The following GNPTAB variants were observed in gnomAD, a reference collection of about 807,000 sequenced individuals.
The protein encoded by GNPTAB is N-acetylglucosamine-1-phosphate transferase subunits alpha and beta.
In GNPTAB, 92 loss-of-function variants were observed where a neutral mutation model predicts 136.6. That is an observed-to-expected ratio of 0.67 (90% CI 0.57 to 0.80). The LOEUF is 0.80. Ranked by LOEUF, GNPTAB falls within the 30% of genes least tolerant of loss-of-function variation. The pLI, the probability that GNPTAB is intolerant of heterozygous loss-of-function variation, is 0.00. For missense variants in GNPTAB, 1,343 were observed against 1,501.8 expected (o/e 0.89, Z 1.75); for synonymous variants, 512 against 535.1 (o/e 0.96, Z 0.60).
At chr12:101,751,487 C>A (rs1952818406) in intron 19 of GNPTAB, among the ~76,000 whole-genome samples, 1 of 152,158 alleles carries the variant, frequency 6.6e-6, no homozygotes, top group African/African-American at 2.4e-5. Context: ...GGTCAAAAAT[C>A]TTCCTAAACT....
chr12:101,795,717 C>T (rs934806835), intron 2 of GNPTAB, among the ~76,000 whole-genome samples: 5 of 151,364 alleles, frequency 3.3e-5, no homozygotes, highest in Non-Finnish European at 7.4e-5. Flanking sequence ...CGTGCCACTG[C>T]GCTCCAGCCT....
At position 101,764,938 on chromosome 12, in the gene GNPTAB, G is replaced by A. The variant is rs757777995; in HGVS notation, c.1979C>T (p.Pro660Leu). The change falls in exon 13 of 21, where the codon CCA becomes CTA. Residue 660 changes from proline (P) to leucine (L), a missense_variant. By Grantham distance (98) the Pro-to-Leu change is moderately conservative (BLOSUM62 -3). Coordinates refer to ENST00000299314, the MANE Select transcript of GNPTAB (RefSeq NM_024312.5). ...ATCCTCAAAAAGGATTTCCGCCTCT[G>A]GAAGAAGTGTTATGGGACTAACTAA... is the stretch of plus-strand genomic sequence containing the variant. Reference protein sequence around the residue: ...ENLVSPITLLPEAEILFEDIP... With the variant: ...ENLVSPITLLLEAEILFEDIP... 6.2e-7 allele frequency: 1 copy of A among 1,613,836 alleles called. No homozygotes were observed. Among genetic ancestry groups the A allele is most frequent in the African/African-American group, 1.3e-5 (1 of 74,706 alleles).
At chr12:101,769,460 G>A (rs1450981182) in intron 10 of GNPTAB, among the ~76,000 whole-genome samples, 1 of 152,134 alleles carries the variant, frequency 6.6e-6, no homozygotes, top group Non-Finnish European at 1.5e-5. Flanking sequence ...AAATTGAGAT[G>A]GTTGGGAAAA....
In GNPTAB at chr12:101,770,154, C is replaced by CTAAA; in HGVS notation, c.1147_1150dup (p.Ser384IlefsTer2). On this transcript the variant is annotated stop_gained and frameshift_variant, in exon 10 of 21. Coordinates refer to ENST00000299314, the MANE Select transcript of GNPTAB (RefSeq NM_024312.5). LOFTEE classifies it high-confidence loss of function. ...AATGTGACTTTCAATAGCAGGTGAACTAAAGGTAGGCAAGTGGCTCAAATT... is the reference window on the plus strand; with the variant it reads ...AATGTGACTTTCAATAGCAGGTGAACTAAATAAAGGTAGGCAAGTGGCTCAAATT... 1 of 1,614,084 alleles carries CTAAA rather than the reference C, an allele frequency of 6.2e-7. No individual in the cohort carries two copies. The highest frequency in any genetic ancestry group is 1.1e-5 in the South Asian group (1 of 91,082).
Position 101,768,127 on chromosome 12 carries a change from C to T in GNPTAB, c.1318G>A (p.Glu440Lys), listed in dbSNP as rs1953121624. The change falls in exon 11 of 21, where the codon GAG becomes AAG. Residue 440 changes from glutamate to lysine, a missense_variant. Transcript: ENST00000299314. Reference sequence around the variant, plus strand: ...TTAATCCAGGAACCTGGGCAGCCCTCGGCACAGTTTGGCACAGGCCATGTC... The same window carrying T: ...TTAATCCAGGAACCTGGGCAGCCCTTGGCACAGTTTGGCACAGGCCATGTC... ...YLTWPVPNCAEGCPGSWIKDG... is the reference protein window; with the variant it reads ...YLTWPVPNCAKGCPGSWIKDG... 3 of 1,614,086 alleles carry T rather than the reference C, an allele frequency of 1.9e-6. No individual in the cohort carries two copies. Among genetic ancestry groups the T allele is most frequent in the East Asian group, 2.2e-5 (1 of 44,890 alleles).
At chr12:101,776,391 GTAAT>G (rs1431866099) in intron 7 of GNPTAB, among the ~76,000 whole-genome samples, 5 of 152,146 alleles carry the variant, frequency 3.3e-5, no homozygotes, top group Non-Finnish European at 5.9e-5. Context: ...AAATTAGAGA[GTAAT>G]TAATCAGATT....
rs56954174 is a variant in GNPTAB at position 101,809,885 on chromosome 12, G to C, written c.118-13123C>G. On this transcript the variant is annotated intron_variant, in intron 1 of 20. Coordinates refer to ENST00000299314, the MANE Select transcript of GNPTAB (RefSeq NM_024312.5). ...AACCCACAGAACTGTATAAAACAAA[G>C]AATGAATCCTAGTGTAATCTATGTA... is the stretch of plus-strand genomic sequence containing the variant. Among the ~76,000 whole-genome samples the C allele has an allele frequency of 0.022, 3,418 of 152,264 alleles. 350 individuals carry two copies. In the East Asian group the frequency reaches 0.31, roughly 14 times the overall value.
At chr12:101,774,713 T>C (rs1420716097) in intron 7 of GNPTAB, among the ~76,000 whole-genome samples, 2 of 152,218 alleles carry the variant, frequency 1.3e-5, no homozygotes, top group African/African-American at 4.8e-5. Flanking sequence ...CTTTAAGATA[T>C]TGCTTATTAT....
chr12:101,775,942 T>A (rs572674277), intron 7 of GNPTAB, among the ~76,000 whole-genome samples: 18 of 152,166 alleles, frequency 1.2e-4, no homozygotes, highest in African/African-American at 3.9e-4. Flanking sequence ...ACAAACCACC[T>A]GTTCAGTCTT....
At chr12:101,818,056 T>C (rs1328037082) in intron 1 of GNPTAB, among the ~76,000 whole-genome samples, 2 of 152,250 alleles carry the variant, frequency 1.3e-5, no homozygotes, top group Admixed American at 6.5e-5. Flanking sequence ...TGCCTGCCTC[T>C]TCGGCTTCAT....
intron 1 of GNPTAB, among the ~76,000 whole-genome samples, chr12:101,806,381 T>C (rs144557048): frequency 0.012 from 1,786 of 152,168 alleles, 23 homozygotes; most frequent in Non-Finnish European, 0.019. Flanking sequence ...AAACAGAAAG[T>C]AGATTAGAGG....
intron 4 of GNPTAB, 75 bp downstream of exon 4, chr12:101,788,473 T>C (rs952789117): frequency 4.3e-6 from 4 of 923,604 alleles, no homozygotes; most frequent in Non-Finnish European, 7.3e-6. Context: ...GTGTACCCAA[T>C]AAAAACAAAT....
chr12:101,817,917 A>T (rs1219011914), intron 1 of GNPTAB, among the ~76,000 whole-genome samples: 1 of 152,186 alleles, frequency 6.6e-6, no homozygotes, highest in Non-Finnish European at 1.5e-5. Context: ...TTACCTCCAG[A>T]GCAACTGTTC....
intron 7 of GNPTAB, among the ~76,000 whole-genome samples, chr12:101,774,776 T>C (rs2137129861): frequency 6.6e-6 from 1 of 152,336 alleles, no homozygotes; most frequent in Non-Finnish European, 1.5e-5. Context: ...GTAGCCTATA[T>C]TTAAAAATTG....
rs775084851 is a variant in GNPTAB at position 101,773,997 on chromosome 12, G to A, written c.772-2840C>T. 5.3e-5 allele frequency among the ~76,000 whole-genome samples: 8 copies of A among 152,354 alleles called. No individual in the cohort carries two copies. In the South Asian group the frequency reaches 6.2e-4, roughly 12 times the overall value. On this transcript the variant is annotated intron_variant, in intron 7 of 20. Transcript: ENST00000299314. ...CCTACAGACCCACAGTGAACAACACGTAGCATGACTAAGAAATAAAGCTTT... is the reference window on the plus strand; with the variant it reads ...CCTACAGACCCACAGTGAACAACACATAGCATGACTAAGAAATAAAGCTTT...
intron 2 of GNPTAB, chr12:101,795,759 A>G (rs1869245930): frequency 6.6e-6 from 1 of 151,972 alleles, no homozygotes; most frequent in Admixed American, 6.6e-5. Flanking sequence ...TCCAAAAAAA[A>G]ATAAAAATAA....
intron 20 of GNPTAB, among the ~76,000 whole-genome samples, chr12:101,747,534 AC>A (rs1594198025): frequency 6.7e-6 from 1 of 149,686 alleles, no homozygotes; most frequent in East Asian, 2.0e-4. Flanking sequence ...AGATTTTTAC[AC>A]AGCTATTACC....
chr12:101,778,093 G>A (rs1953285348), intron 7 of GNPTAB, among the ~76,000 whole-genome samples: 1 of 152,064 alleles, frequency 6.6e-6, no homozygotes, highest in Non-Finnish European at 1.5e-5. Context: ...ACTCCACCTC[G>A]ACCTGCTTAT....
intron 1 of GNPTAB, among the ~76,000 whole-genome samples, chr12:101,820,595 G>GC (rs1196441606): frequency 2.0e-5 from 3 of 152,152 alleles, no homozygotes; most frequent in African/African-American, 4.8e-5. Flanking sequence ...AATGCCAGTA[G>GC]CATCAACCCC....
Sources: gnomAD v4.1 joint callset for allele counts (sites outside exome capture counted in the v4.1 genomes callset) on GRCh38, gnomAD v4.1.1 for gene constraint, MANE v1.5 for transcripts, NCBI Gene and HGNC (gene_info 2026-07-23, HGNC 2026-07-21) for gene names.